Variants in DENND1C observed in about 807,000 individuals in gnomAD.
DENND1C encodes the protein DENN domain-containing protein 1C.
DENND1C carries 64 observed loss-of-function variants against 87.9 expected under a neutral mutation model. The ratio of observed to expected loss-of-function variants is 0.73; its 90% CI spans 0.60 to 0.90. DENND1C has a LOEUF of 0.90. Among genes scored for constraint, DENND1C ranks in the 40% least tolerant of loss-of-function variants. The pLI is 0.00. For missense variants in DENND1C, 980 were observed against 1,037.0 expected (o/e 0.95, Z 0.76); for synonymous variants, 384 against 424.4 (o/e 0.90, Z 1.17).
At position 6,467,291 on chromosome 19, in the gene DENND1C, G is replaced by T; in HGVS notation, c.*213C>A. ...GAAGTGACAAATGCCGAGAGGAATT[G>T]TAAGGTTGCCAGGATTCTAGAAGAC... On this transcript the variant is annotated 3_prime_UTR_variant, in exon 23 of 23. Transcript: ENST00000381480. 1 of 601,958 alleles carries T rather than the reference G, an allele frequency of 1.7e-6. No individual in the cohort carries two copies. Among genetic ancestry groups the T allele is most frequent in the African/African-American group, 1.9e-5 (1 of 52,324 alleles). 37.3% of individuals were successfully genotyped at this position (601,958 alleles called of 1,614,324 possible). A position where few individuals can be genotyped will look rare whatever the true frequency, so the allele number is the denominator to read the frequency against.
Position 6,479,849 on chromosome 19 carries a change from G to C in DENND1C, c.126+10C>G. ...CTCGCCCTGGGGGAGCAAGGAGCCA[G>C]CCTGAATACCTGGTCCCTGAAGTCT... On this transcript the variant is annotated intron_variant, in intron 3 of 22. Coordinates refer to ENST00000381480, the MANE Select transcript of DENND1C (RefSeq NM_024898.4). The C allele has an allele frequency of 6.2e-7, 1 of 1,612,038 alleles. No homozygotes were observed. Among genetic ancestry groups the C allele is most frequent in the Non-Finnish European group, 8.5e-7 (1 of 1,179,066 alleles).
chr19:6,474,388 C>G (rs971303667), intron 14 of DENND1C, among the ~76,000 whole-genome samples: 2 of 152,054 alleles, frequency 1.3e-5, no homozygotes, highest in Non-Finnish European at 2.9e-5. Context: ...TCAAGTGATA[C>G]TAGAACCCCC....
At chr19:6,469,020 C>A in intron 19 of DENND1C, 67 bp from the exon 20 acceptor site, 35 of 899,924 alleles carry the variant, frequency 3.9e-5, no homozygotes, top group African/African-American at 5.5e-5. Context: ...TACCATTGGT[C>A]TTTAGTTAGT....
chr19:6,475,384 G>C lies in DENND1C; in HGVS notation c.943C>G (p.Leu315Val), dbSNP rs780965068. The change falls in exon 14 of 23, where the codon CTC becomes GTC. Residue 315 changes from leucine (L) to valine (V), a missense_variant. By Grantham distance (32) the Leu-to-Val change is conservative. Transcript: ENST00000381480. ...GCCAGGGCGACCTTCCTGAGCCGGA[G>C]CCTCAGCAGGGACACCTGAAGCACA... is the stretch of plus-strand genomic sequence containing the variant. ...LPPDVVSLLR[L>V]RLRKVALAPG... is the part of the protein sequence containing the mutation. 1.9e-6 allele frequency: 3 copies of C among 1,611,734 alleles called. No individual in the cohort carries two copies. In the South Asian group the frequency reaches 3.3e-5, roughly 18 times the overall value.
intron 6 of DENND1C, among the ~76,000 whole-genome samples, chr19:6,477,810 T>C (rs2145208343): frequency 6.9e-6 from 1 of 145,914 alleles, no homozygotes; most frequent in East Asian, 2.1e-4. Flanking sequence ...GCGCCTGTAA[T>C]CCCAACCCTT....
chr19:6,479,736 C>A lies in DENND1C; in HGVS notation c.127-18G>T, dbSNP rs770208006. ...ATAGCTTCCTGGAGGTGAAGAAAAG[C>A]GCAGACTGCTTGGCCACTGAGGTCG... On this transcript the variant is annotated intron_variant, in intron 3 of 22. Coordinates refer to ENST00000381480, the MANE Select transcript of DENND1C (RefSeq NM_024898.4). 5.6e-6 allele frequency: 9 copies of A among 1,613,856 alleles called. No homozygotes were observed. The highest frequency in any genetic ancestry group is 6.8e-6 in the Non-Finnish European group (8 of 1,179,830).
In DENND1C at chr19:6,477,219, G is replaced by C. The variant is rs748693353; in HGVS notation, c.512C>G (p.Pro171Arg). The change falls in exon 8 of 23, where the codon CCG becomes CGG. Residue 171 changes from proline (P) to arginine (R), a missense_variant and splice_region_variant. Transcript: ENST00000381480. Reference sequence around the variant, plus strand: ...CCAGGGTCCCCGAGCCCCGCTCACCGGCTTGCTATTCCCCCGGGTAGGGGG... The same window carrying C: ...CCAGGGTCCCCGAGCCCCGCTCACCCGCTTGCTATTCCCCCGGGTAGGGGG... ...IPPPTRGNSK[P>R]LSCFVAPDSG... 1.3e-5 allele frequency: 21 copies of C among 1,586,388 alleles called. No individual in the cohort carries two copies. The highest frequency in any genetic ancestry group is 1.7e-5 in the Non-Finnish European group (20 of 1,166,422).
chr19:6,479,272 G>T (rs1431757926), intron 4 of DENND1C, among the ~76,000 whole-genome samples: 94 of 143,456 alleles, frequency 6.6e-4, no homozygotes, highest in African/African-American at 2.7e-3. Flanking sequence ...TGGATCTCTG[G>T]GTTTCTGGAT....
intron 1 of DENND1C, 116 bp downstream of exon 1, chr19:6,481,563 G>T: frequency 1.3e-6 from 2 of 1,491,720 alleles, no homozygotes; most frequent in East Asian, 2.4e-5. Context: ...CCAGCCACCT[G>T]CCCTGGCAGG....
In DENND1C at chr19:6,471,440, G is replaced by T. The variant is rs761187263; in HGVS notation, c.1215C>A (p.Phe405Leu). 1.3e-6 allele frequency: 2 copies of T among 1,585,794 alleles called. No individual in the cohort carries two copies. Among genetic ancestry groups the T allele is most frequent in the Non-Finnish European group, 8.6e-7 (1 of 1,166,050 alleles). The change falls in exon 16 of 23, where the codon TTC becomes TTA. Residue 405 changes from phenylalanine (F) to leucine (L), a missense_variant. Coordinates refer to ENST00000381480, the MANE Select transcript of DENND1C (RefSeq NM_024898.4). ...LNKGEGFSDQ[F>L]EQEITGCGAS... Reference sequence around the variant, plus strand: ...CCCCGCAGCCAGTGATCTCCTGCTCGAATTGATCTGAGAAGCCCTCCCCCT... The same window carrying T: ...CCCCGCAGCCAGTGATCTCCTGCTCTAATTGATCTGAGAAGCCCTCCCCCT...
At chr19:6,479,186 T>C in intron 4 of DENND1C, 130 bp from the exon 5 acceptor site, 1 of 1,324,270 alleles carries the variant, frequency 7.6e-7, no homozygotes, top group Non-Finnish European at 1.0e-6. Flanking sequence ...AATGTCTGGA[T>C]CCCTGGGTCT....
Position 6,478,999 on chromosome 19 carries a change from G to T in DENND1C, c.234C>A (p.Gly78=), listed in dbSNP as rs1159908656. 2 of 1,613,784 alleles carry T rather than the reference G, an allele frequency of 1.2e-6. No homozygotes were observed. The highest frequency in any genetic ancestry group is 2.2e-5 in the South Asian group (2 of 91,086). Residue 78 remains glycine, a synonymous_variant, in exon 5 of 23, where the codon GGC becomes GGA. Transcript: ENST00000381480. ...GGCGGCAGAAACCAAATCTGCGGTTGCCGGCAAGGTCTGTGAGGGCGAAGG... is the reference window on the plus strand; with the variant it reads ...GGCGGCAGAAACCAAATCTGCGGTTTCCGGCAAGGTCTGTGAGGGCGAAGG... ...HFTFALTDLA[G]NRRFGFCRLR...
intron 17 of DENND1C, among the ~76,000 whole-genome samples, chr19:6,470,620 GTT>G (rs35687922): frequency 1.9e-4 from 22 of 114,768 alleles, no homozygotes; most frequent in African/African-American, 5.8e-4. Context: ...GTTTTTTTTT[GTT>G]TTTTTTTTTT....
chr19:6,467,691 T>C lies in DENND1C; in HGVS notation c.2219A>G (p.Asp740Gly). 2.0e-6 allele frequency: 3 copies of C among 1,517,124 alleles called. No homozygotes were observed. The highest frequency in any genetic ancestry group is 2.6e-6 in the Non-Finnish European group (3 of 1,135,058). The allele number at this position is 1,517,124 out of a possible 1,614,324, so 94.0% of individuals were successfully genotyped here. ...WTSQPLDPSS[D>G]PSSLEDPRAR... ...TCTGGGGTCCTCCAGAGAACTGGGG[T>C]CTGAGGAAGGATCAAGGGGCTGGGA... The change falls in exon 23 of 23, where the codon GAC (aspartate) becomes GGC (glycine). Residue 740 changes from aspartate (D) to glycine (G), a missense_variant. Asp to Gly is a moderately conservative substitution (Grantham distance 94, BLOSUM62 -1). Transcript: ENST00000381480.
intron 10 of DENND1C, chr19:6,476,593 G>T (rs2092862042): frequency 4.4e-6 from 2 of 458,154 alleles, no homozygotes; most frequent in Non-Finnish European, 7.8e-6. Flanking sequence ...CTGAGGGTCC[G>T]GAGGGGTGGA....
chr19:6,475,242 G>A (rs752761815), intron 14 of DENND1C, 32 bp downstream of exon 14: 7 of 1,611,114 alleles, frequency 4.3e-6, no homozygotes, highest in Non-Finnish European at 4.2e-6. Flanking sequence ...AGGAACCCAC[G>A]AGACCTCTCC....
In DENND1C at chr19:6,475,955, G is replaced by A; in HGVS notation, c.679-18C>T. 1 of 1,542,462 alleles carries A rather than the reference G, an allele frequency of 6.5e-7. No homozygotes were observed. Among genetic ancestry groups the A allele is most frequent in the South Asian group, 1.2e-5 (1 of 83,508 alleles). On this transcript the variant is annotated intron_variant, in intron 10 of 22. Transcript: ENST00000381480. Reference sequence around the variant, plus strand: ...GAGGTCAGCTGGGGAGCGATGGCGGGGCGTGGAGTCAGGGCCTGGACCCTC... The same window carrying A: ...GAGGTCAGCTGGGGAGCGATGGCGGAGCGTGGAGTCAGGGCCTGGACCCTC...
intron 14 of DENND1C, among the ~76,000 whole-genome samples, chr19:6,473,455 G>GTTTT (rs1568396646): frequency 7.4e-6 from 1 of 135,584 alleles, no homozygotes; most frequent in Non-Finnish European, 1.5e-5. Flanking sequence ...GCCCAGCCCT[G>GTTTT]GTTTTTTTTT....
At chr19:6,481,577 C>A (rs1913568649) in intron 1 of DENND1C, 102 bp downstream of exon 1, 1 of 1,555,218 alleles carries the variant, frequency 6.4e-7, no homozygotes, top group South Asian at 1.2e-5. Flanking sequence ...TGGCAGGTCA[C>A]TGCACCTCCC....
Sources: gnomAD v4.1 joint callset for allele counts (sites outside exome capture counted in the v4.1 genomes callset) on GRCh38, gnomAD v4.1.1 for gene constraint, MANE v1.5 for transcripts, NCBI Gene and HGNC (gene_info 2026-07-23, HGNC 2026-07-21) for gene names.